The following KCNIP4 variants were observed in gnomAD, a reference collection of about 807,000 sequenced individuals.
KCNIP4 encodes the protein Kv channel-interacting protein 4.
KCNIP4 carries 12 observed loss-of-function variants against 34.0 expected under a neutral mutation model. That is an observed-to-expected ratio of 0.35 (90% confidence interval 0.23 to 0.57). KCNIP4 has a LOEUF of 0.57. Among genes scored for constraint, KCNIP4 ranks in the 20% least tolerant of loss-of-function variants. KCNIP4 has a pLI of 0.83. For missense variants in KCNIP4, 238 were observed against 311.7 expected (o/e 0.76, Z 1.78); for synonymous variants, 124 against 102.2 (o/e 1.21, Z -1.29).
In KCNIP4 at chr4:21,234,493, AAT is replaced by A. The variant is rs1334056273; in HGVS notation, c.62-351786_62-351785del. Among the ~76,000 whole-genome samples, 3 of 125,306 alleles carry A rather than the reference AAT, an allele frequency of 2.4e-5. 1 individual carries two copies. The East Asian group carries it at 6.4e-4, about 27-fold the overall frequency. 82.2% of individuals were successfully genotyped at this position (125,306 alleles called of 152,430 possible). On this transcript the variant is annotated intron_variant, in intron 1 of 8. Coordinates refer to ENST00000382152, the MANE Select transcript of KCNIP4 (RefSeq NM_025221.6). ...AATATATAGTACATATAACGTATAT[AAT>A]ATATATTACATATAACGTATATAAT...
chr4:21,453,189 A>G (rs952004564), intron 1 of KCNIP4, among the ~76,000 whole-genome samples: 1 of 152,140 alleles, frequency 6.6e-6, no homozygotes, highest in East Asian at 1.9e-4. Context: ...TGGGGGTGAG[A>G]TTTAAAGCAT....
chr4:20,864,039 T>TATGTATAC (rs1722504576), intron 2 of KCNIP4, among the ~76,000 whole-genome samples: 1 of 96,430 alleles, frequency 1.0e-5, no homozygotes, highest in Non-Finnish European at 2.1e-5. Flanking sequence ...CATATGTATG[T>TATGTATAC]ATACGCATGT....
chr4:21,945,788 T>C (rs980309177), intron 1 of KCNIP4, among the ~76,000 whole-genome samples: 14 of 151,932 alleles, frequency 9.2e-5, no homozygotes, highest in African/African-American at 3.4e-4. Flanking sequence ...GTTCTGATTT[T>C]ATAGCAGGAG....
At chr4:20,798,806 T>C (rs1713841782) in intron 3 of KCNIP4, among the ~76,000 whole-genome samples, 1 of 152,150 alleles carries the variant, frequency 6.6e-6, no homozygotes, top group Non-Finnish European at 1.5e-5. Flanking sequence ...CTGCAGCCTT[T>C]GTTATCAGAG....
chr4:21,230,718 A>G (rs1329719232), intron 1 of KCNIP4, among the ~76,000 whole-genome samples: 1 of 152,152 alleles, frequency 6.6e-6, no homozygotes, highest in East Asian at 1.9e-4. Flanking sequence ...GCTGCATAGT[A>G]TTCCATGCTG....
chr4:21,140,042 A>C (rs746749715), intron 1 of KCNIP4, among the ~76,000 whole-genome samples: 42 of 152,134 alleles, frequency 2.8e-4, no homozygotes, highest in Non-Finnish European at 4.7e-4. Flanking sequence ...AATTACCAGA[A>C]ATTTAACACA....
chr4:20,845,873 C>T (rs909204820), intron 3 of KCNIP4, among the ~76,000 whole-genome samples: 2 of 152,122 alleles, frequency 1.3e-5, no homozygotes, highest in African/African-American at 2.4e-5. Context: ...AAAGGATCCA[C>T]GATCCAGAAA....
chr4:21,305,046 C>G (rs1472022630), intron 1 of KCNIP4, among the ~76,000 whole-genome samples: 2 of 151,980 alleles, frequency 1.3e-5, no homozygotes, highest in Non-Finnish European at 2.9e-5. Flanking sequence ...TTTCTTTCCT[C>G]CTAACACTGC....
chr4:21,249,462 C>G (rs1052910708), intron 1 of KCNIP4, among the ~76,000 whole-genome samples: 4 of 152,060 alleles, frequency 2.6e-5, no homozygotes, highest in African/African-American at 4.8e-5. Flanking sequence ...GTTTCAAATA[C>G]TTGTCCCATA....
intron 1 of KCNIP4, among the ~76,000 whole-genome samples, chr4:21,719,623 C>T (rs1396719947): frequency 1.3e-5 from 2 of 152,062 alleles, no homozygotes; most frequent in African/African-American, 4.8e-5. Context: ...GAACCATCAC[C>T]TCTCATCAGC....
At chr4:21,330,581 A>G (rs1042211303) in intron 1 of KCNIP4, among the ~76,000 whole-genome samples, 1 of 152,206 alleles carries the variant, frequency 6.6e-6, no homozygotes, top group Non-Finnish European at 1.5e-5. Flanking sequence ...AATTCTGTCA[A>G]TGAGAAAATA....
intron 1 of KCNIP4, among the ~76,000 whole-genome samples, chr4:21,494,034 T>A (rs1732636500): frequency 6.6e-6 from 1 of 152,222 alleles, no homozygotes; most frequent in African/African-American, 2.4e-5. Context: ...TTAATCCTCA[T>A]AACAATTTTA....
intron 1 of KCNIP4, among the ~76,000 whole-genome samples, chr4:20,889,331 C>T (rs1488597237): frequency 6.6e-6 from 1 of 152,104 alleles, no homozygotes; most frequent in Non-Finnish European, 1.5e-5. Context: ...AATTCTTGTA[C>T]ATTATTTTTC....
intron 1 of KCNIP4, among the ~76,000 whole-genome samples, chr4:21,816,020 C>A (rs1425516084): frequency 2.6e-5 from 4 of 152,142 alleles, no homozygotes; most frequent in Admixed American, 6.6e-5. Context: ...ATCTCACAGG[C>A]AGGTCCTTTG....
chr4:21,520,257 C>A (rs1735411278), intron 1 of KCNIP4, among the ~76,000 whole-genome samples: 1 of 152,206 alleles, frequency 6.6e-6, no homozygotes, highest in East Asian at 1.9e-4. Flanking sequence ...ATCCTTCAAT[C>A]CCAATCAAGT....
intron 1 of KCNIP4, among the ~76,000 whole-genome samples, chr4:21,526,678 T>G (rs897836583): frequency 1.3e-5 from 2 of 152,128 alleles, no homozygotes; most frequent in African/African-American, 4.8e-5. Flanking sequence ...GAAAAAGAAT[T>G]CTATGAGATC....
At chr4:21,733,086 G>C (rs1052076408) in intron 1 of KCNIP4, among the ~76,000 whole-genome samples, 4 of 152,146 alleles carry the variant, frequency 2.6e-5, no homozygotes, top group Non-Finnish European at 5.9e-5. Context: ...CTGAGCAAGA[G>C]TATAAGACTT....
chr4:21,787,694 C>T (rs1412120858), intron 1 of KCNIP4, among the ~76,000 whole-genome samples: 5 of 152,180 alleles, frequency 3.3e-5, no homozygotes, highest in African/African-American at 2.4e-5. Flanking sequence ...CCCATTATAA[C>T]GTTTCACACA....
intron 1 of KCNIP4, among the ~76,000 whole-genome samples, chr4:21,588,818 A>G (rs1468567181): frequency 2.0e-5 from 3 of 151,750 alleles, no homozygotes; most frequent in Non-Finnish European, 4.4e-5. Context: ...TTTTTTTTGT[A>G]TATCATAGTA....
Sources: allele counts gnomAD v4.1 joint callset (sites outside exome capture counted in the v4.1 genomes callset), GRCh38; gene constraint gnomAD v4.1.1; transcripts MANE v1.5; gene names NCBI Gene and HGNC (gene_info 2026-07-23, HGNC 2026-07-21).